Variants in NABP1 observed in about 807,000 individuals in gnomAD.
The protein encoded by NABP1 is nucleic acid binding protein 1, also known as SOSS complex subunit B2.
Under a neutral mutation model 25.0 loss-of-function variants are expected in NABP1, and 18 were observed. That is an observed-to-expected ratio of 0.72 (90% confidence interval 0.50 to 1.07). NABP1 has a LOEUF of 1.07. NABP1 is among the 50% of genes least tolerant of loss of function. The pLI, the probability that NABP1 is intolerant of heterozygous loss-of-function variation, is 0.00. For missense variants in NABP1, 270 were observed against 255.6 expected, an observed-to-expected ratio of 1.06 and a Z score of -0.39; for synonymous variants, 71 against 85.0, an observed-to-expected ratio of 0.84 and a Z score of 0.91.
rs371341554 is a variant in NABP1 at position 191,682,033 on chromosome 2, C to T, written c.302+16C>T. 7.2e-7 allele frequency: 1 copy of T among 1,396,870 alleles called. No individual in the cohort carries two copies. Among genetic ancestry groups the T allele is most frequent in the East Asian group, 2.6e-5 (1 of 38,210 alleles). The allele number at this position is 1,396,870 out of a possible 1,614,324, so 86.5% of individuals were successfully genotyped here. A position where few individuals can be genotyped will look rare whatever the true frequency, so the allele number is the denominator to read the frequency against. On this transcript the variant is annotated intron_variant, in intron 3 of 5. Transcript: ENST00000425611. ...AAATTGGGGAGTAAGTATTAAAATG[C>T]ATTTTGTATAATTGCATATATTATA...
At chr2:191,684,732 C>T (rs943916873) in intron 5 of NABP1, 3 of 152,768 alleles carry the variant, frequency 2.0e-5, no homozygotes, top group African/African-American at 4.8e-5. Context: ...AACATGACCC[C>T]CAGACATCAT....
intron 5 of NABP1, 26 bp downstream of exon 5, chr2:191,684,322 T>C (rs1687762548): frequency 2.0e-6 from 3 of 1,469,504 alleles, no homozygotes; most frequent in South Asian, 1.4e-5. Context: ...TGTGTTTCAT[T>C]TGTGATCAGG....
chr2:191,685,543 TCTACTTCTATAGA>T (rs1687792952), intron 5 of NABP1, 43 bp from the exon 6 acceptor site: 9 of 1,479,088 alleles, frequency 6.1e-6, no homozygotes, highest in Non-Finnish European at 8.3e-6. Flanking sequence ...TTAAGATAGT[TCTACTTCTATAGA>T]CTACCTCTGA....
At chr2:191,678,774 C>G (rs1019208079) in intron 1 of NABP1, 69 bp downstream of exon 1, 37 of 1,451,524 alleles carry the variant, frequency 2.5e-5, no homozygotes, top group Non-Finnish European at 3.2e-5. Context: ...GGGCGCCGGC[C>G]GCTGCGCGCC....
intron 2 of NABP1, among the ~76,000 whole-genome samples, chr2:191,679,538 A>G (rs2105639416): frequency 6.6e-6 from 1 of 151,580 alleles, no homozygotes; most frequent in South Asian, 2.1e-4. Flanking sequence ...CACCACGCCC[A>G]GCTAAGTTTT....
chr2:191,679,182 C>T (rs1226468384), intron 2 of NABP1, 54 bp downstream of exon 2: 2 of 1,608,230 alleles, frequency 1.2e-6, no homozygotes, highest in Non-Finnish European at 8.5e-7. Flanking sequence ...CGGGATTGGC[C>T]GGCTCCTGGG....
Position 191,678,705 on chromosome 2 carries a change from G to C in NABP1, c.91G>C (p.Gly31Arg). Residue 31 changes from glycine to arginine, a missense_variant and splice_region_variant, in exon 1 of 6, where the codon GGA (glycine) becomes CGA (arginine). Gly to Arg is a moderately radical substitution (Grantham distance 125). Transcript: ENST00000425611. ...TGTCGTCTTTATTGTCCTGGAGATA[G>C]GTAAGTGGGGTTTGCAGCCTACTCC... is the stretch of plus-strand genomic sequence containing the variant. ...LNVVFIVLEI[G>R]RVTKTKDGHE... is the part of the protein sequence containing the mutation. 2.5e-6 allele frequency: 4 copies of C among 1,612,302 alleles called. No homozygotes were observed. Among genetic ancestry groups the C allele is most frequent in the Non-Finnish European group, 3.4e-6 (4 of 1,179,170 alleles).
At position 191,683,080 on chromosome 2, in the gene NABP1, C is replaced by T. The variant is rs1165060480; in HGVS notation, c.303-649C>T. 6.4e-6 allele frequency: 1 copy of T among 157,024 alleles called. No homozygotes were observed. The highest frequency in any genetic ancestry group is 1.4e-5 in the Non-Finnish European group (1 of 71,240). The allele number at this position is 157,024 out of a possible 1,614,324, so 9.7% of individuals were successfully genotyped here. A position where few individuals can be genotyped will look rare whatever the true frequency, so the allele number is the denominator to read the frequency against. ...GAGGTCACTCATTTCTTAATGACTG[C>T]TCTTTGTCAGGGTCAGTCGAGGATT... On this transcript the variant is annotated intron_variant, in intron 3 of 5. Transcript: ENST00000425611. This position sits in a 1 kb window ranked among gnomAD's most constrained non-coding sequence, Gnocchi z 4.1.
In NABP1 at chr2:191,685,951, T is replaced by C. The variant is rs1687809276; in HGVS notation, c.*183T>C. 3 of 540,024 alleles carry C rather than the reference T, an allele frequency of 5.6e-6. No homozygotes were observed. The African/African-American group carries it at 5.9e-5, about 11-fold the overall frequency. 33.5% of individuals were successfully genotyped at this position (540,024 alleles called of 1,614,324 possible). A position where few individuals can be genotyped will look rare whatever the true frequency, so the allele number is the denominator to read the frequency against. The stretch of plus-strand genomic sequence containing the variant: ...ACTGTTAAGCTGCTCGAGTCTCCTG[T>C]TGAAGAATGGGAACACTGAAAAGTA... On this transcript the variant is annotated 3_prime_UTR_variant, in exon 6 of 6. Transcript: ENST00000425611.
intron 1 of NABP1, 127 bp downstream of exon 1, chr2:191,678,832 G>A: frequency 1.0e-6 from 1 of 1,001,988 alleles, no homozygotes; most frequent in South Asian, 1.4e-5. Context: ...CGTGGCTCTA[G>A]TGGCCTCCGC....
chr2:191,678,445 G>C lies in NABP1; in HGVS notation c.-170G>C, dbSNP rs1313953979. ...TTTTTTTTCTTTTTTTAGGCTCAGT[G>C]CTGTCCGGGCTGGTTTGCCCGGTCC... is the stretch of plus-strand genomic sequence containing the variant. On this transcript the variant is annotated 5_prime_UTR_variant, in exon 1 of 6. Coordinates refer to ENST00000425611, the MANE Select transcript of NABP1 (RefSeq NM_001031716.5). The C allele has an allele frequency of 1.1e-5, 3 of 281,812 alleles. No individual in the cohort carries two copies. Among genetic ancestry groups the C allele is most frequent in the Non-Finnish European group, 1.9e-5 (3 of 157,960 alleles). The allele number at this position is 281,812 out of a possible 1,614,324, so 17.5% of individuals were successfully genotyped here.
rs1558984475 is a variant in NABP1, at chr2:191,678,366, G to GGA, written c.-247_-246dup. The GGA allele has an allele frequency of 3.1e-6, 1 of 318,544 alleles. No homozygotes were observed. Among genetic ancestry groups the GGA allele is most frequent in the African/African-American group, 2.2e-5 (1 of 46,180 alleles). The allele number at this position is 318,544 out of a possible 1,614,324, so 19.7% of individuals were successfully genotyped here. ...CCGGTTGGGAGCGGGGTTGGTGTGC[G>GGA]GAGTGGTTCGCCTTTTTTTCTTTAG... is the stretch of plus-strand genomic sequence containing the variant. On this transcript the variant is annotated 5_prime_UTR_variant, in exon 1 of 6. Transcript: ENST00000425611.
chr2:191,681,200 T>A (rs1687676668), intron 2 of NABP1, among the ~76,000 whole-genome samples: 1 of 152,160 alleles, frequency 6.6e-6, no homozygotes, highest in Non-Finnish European at 1.5e-5. Context: ...TAAAGAGAAC[T>A]GTATAGTAAG....
chr2:191,685,759 TA>T lies in NABP1; in HGVS notation c.610del (p.Arg204AspfsTer5). On this transcript the variant is annotated frameshift_variant, in exon 6 of 6. Transcript: ENST00000425611. LOFTEE classifies it high-confidence loss of function. ...ATGGCAGGGACCCTCGGAGAGCCTT[TA>T]AAAGATGACCTATGCTAAATACTCA... ...SNGRDPRRAF[K>X]R The T allele has an allele frequency of 6.2e-7, 1 of 1,614,068 alleles. No homozygotes were observed. Among genetic ancestry groups the T allele is most frequent in the Non-Finnish European group, 8.5e-7 (1 of 1,179,938 alleles).
At chr2:191,678,824 T>G (rs1289689869) in intron 1 of NABP1, 119 bp downstream of exon 1, 4 of 882,062 alleles carry the variant, frequency 4.5e-6, no homozygotes, top group Non-Finnish European at 5.0e-6. Flanking sequence ...CCCACCCACG[T>G]GGCTCTAGTG....
intron 2 of NABP1, among the ~76,000 whole-genome samples, chr2:191,679,726 A>G (rs1424226732): frequency 3.3e-5 from 5 of 152,188 alleles, no homozygotes; most frequent in African/African-American, 2.4e-5. Flanking sequence ...GGAGACTGGT[A>G]TAGTCCATAT....
In NABP1 at chr2:191,684,213, T is replaced by G. The variant is rs372305338; in HGVS notation, c.379-17T>G. 1.1e-4 allele frequency: 171 copies of G among 1,513,322 alleles called. No homozygotes were observed. The highest frequency in any genetic ancestry group is 1.5e-4 in the Non-Finnish European group (168 of 1,122,164). 93.7% of individuals were successfully genotyped at this position (1,513,322 alleles called of 1,614,324 possible). ...TGTTTTTATTCTCGTTTGGTTAAAT[T>G]AAAAACTTTTTTTTAGGCACAGAGT... On this transcript the variant is annotated splice_polypyrimidine_tract_variant and intron_variant, in intron 4 of 5. Transcript: ENST00000425611.
chr2:191,678,962 C>A, intron 1 of NABP1, 28 bp from the exon 2 acceptor site: 1 of 1,614,148 alleles, frequency 6.2e-7, no homozygotes, highest in African/African-American at 1.3e-5. Context: ...TCTAACAACC[C>A]CTCCCTTTGA....
At position 191,678,510 on chromosome 2, in the gene NABP1, C is replaced by A; in HGVS notation, c.-105C>A. 1.4e-6 allele frequency: 1 copy of A among 731,568 alleles called. No homozygotes were observed. The highest frequency in any genetic ancestry group is 2.2e-6 in the Non-Finnish European group (1 of 449,734). 45.3% of individuals were successfully genotyped at this position (731,568 alleles called of 1,614,324 possible). ...TCTGCCCCTTCTCTCGCCACCCCTGCCCAAGGTCGCCCCTCTGCCTTCGCC... is the reference window on the plus strand; with the variant it reads ...TCTGCCCCTTCTCTCGCCACCCCTGACCAAGGTCGCCCCTCTGCCTTCGCC... On this transcript the variant is annotated 5_prime_UTR_variant, in exon 1 of 6. Transcript: ENST00000425611.
Sources: allele counts gnomAD v4.1 joint callset (sites outside exome capture counted in the v4.1 genomes callset), GRCh38; gene constraint gnomAD v4.1.1; non-coding constraint Gnocchi (gnomAD v3.1); transcripts MANE v1.5; gene names NCBI Gene and HGNC (gene_info 2026-07-23, HGNC 2026-07-21).